The following PDE3B variants were observed in gnomAD, a reference collection of about 807,000 sequenced individuals.
PDE3B encodes the protein cGMP-inhibited 3',5'-cyclic phosphodiesterase 3B.
A neutral mutation model predicts 116.8 loss-of-function variants in PDE3B; 66 were observed. That is an observed-to-expected ratio of 0.56 (90% CI 0.46 to 0.69). PDE3B has a LOEUF of 0.69. Ranked by LOEUF, PDE3B falls within the 30% of genes least tolerant of loss-of-function variation. PDE3B has a pLI of 0.00. For missense variants in PDE3B, 1,384 were observed against 1,368.1 expected, an observed-to-expected ratio of 1.01 and a Z score of -0.18; for synonymous variants, 595 against 533.6, an observed-to-expected ratio of 1.12 and a Z score of -1.59.
At chr11:14,734,786 CTT>C (rs796300062) in intron 1 of PDE3B, among the ~76,000 whole-genome samples, 1 of 151,096 alleles carries the variant, frequency 6.6e-6, no homozygotes, top group Non-Finnish European at 1.5e-5. Flanking sequence ...TATATCTCCT[CTT>C]TTTTTTTGTT....
At chr11:14,878,321 T>C in the PDE3B span, 3 of 1,610,198 alleles carry the variant, frequency 1.9e-6, no homozygotes, top group South Asian at 3.3e-5. Context: ...GCAGATACAA[T>C]AATTTTTTAA....
chr11:14,885,492 T>C, the PDE3B span, among the ~76,000 whole-genome samples: 1 of 152,212 alleles, frequency 6.6e-6, no homozygotes, highest in Non-Finnish European at 1.5e-5. Context: ...TATGTGTTTA[T>C]TCCTAACTTG....
intron 1 of PDE3B, among the ~76,000 whole-genome samples, chr11:14,732,008 A>G (rs1856472081): frequency 6.6e-6 from 1 of 152,214 alleles, no homozygotes; most frequent in Non-Finnish European, 1.5e-5. Flanking sequence ...AATTTTAAAC[A>G]GAATTATTGA....
Position 14,849,931 on chromosome 11 carries a change from G to A in PDE3B, c.2520+5905G>A, listed in dbSNP as rs372355405. Among the ~76,000 whole-genome samples the A allele has an allele frequency of 3.9e-5, 6 of 151,976 alleles. No individual in the cohort carries two copies. In the East Asian group the frequency reaches 5.8e-4, roughly 15 times the overall value. The stretch of plus-strand genomic sequence containing the variant: ...CAACCATTGTGGAAGTCAGTGTGGC[G>A]ATTCCTCAGGGATCTAGAACTAGAA... On this transcript the variant is annotated intron_variant, in intron 12 of 15. Coordinates refer to ENST00000282096, the MANE Select transcript of PDE3B (RefSeq NM_000922.4).
At chr11:14,671,673 G>A (rs546600491) in intron 1 of PDE3B, among the ~76,000 whole-genome samples, 1 of 152,188 alleles carries the variant, frequency 6.6e-6, no homozygotes, top group South Asian at 2.1e-4. Flanking sequence ...ACATAATAGT[G>A]ACTTGGACTA....
the PDE3B span, chr11:14,886,844 A>C: frequency 6.6e-6 from 1 of 152,320 alleles, no homozygotes; most frequent in African/African-American, 2.4e-5. Context: ...GAGGCTTAGC[A>C]GAGAACAAAA....
the PDE3B span, chr11:14,878,400 A>C: frequency 2.7e-6 from 3 of 1,093,688 alleles, no homozygotes; most frequent in South Asian, 2.9e-5. Context: ...AATTTAAACA[A>C]AGAAAGAGGG....
chr11:14,890,967 G>A, the PDE3B span: 4 of 985,258 alleles, frequency 4.1e-6, no homozygotes, highest in Non-Finnish European at 1.2e-6. Flanking sequence ...GCCTGTGGCC[G>A]ATAATGAGAT....
chr11:14,745,580 G>A (rs9971395), intron 1 of PDE3B, among the ~76,000 whole-genome samples: 97,264 of 152,000 alleles, frequency 0.64, 31,251 homozygotes, highest in Middle Eastern at 0.7. Flanking sequence ...TGTCAACTTT[G>A]ATGTTAGACA....
At chr11:14,876,417 G>A (rs1156933622), downstream of PDE3B, among the ~76,000 whole-genome samples, 1 of 152,156 alleles carries the variant, frequency 6.6e-6, no homozygotes, top group East Asian at 1.9e-4. Flanking sequence ...AAGTGAGGCA[G>A]ACACTATAGT....
intron 5 of PDE3B, among the ~76,000 whole-genome samples, chr11:14,805,463 G>C (rs1236545160): frequency 1.3e-5 from 2 of 152,100 alleles, no homozygotes; most frequent in African/African-American, 4.8e-5. Flanking sequence ...CAGTAACTGT[G>C]GTGATGGGTA....
At chr11:14,778,581 C>T (rs1857866598) in intron 2 of PDE3B, among the ~76,000 whole-genome samples, 1 of 152,170 alleles carries the variant, frequency 6.6e-6, no homozygotes, top group African/African-American at 2.4e-5. Context: ...CCAGCAAACT[C>T]CAACAGACCT....
intron 12 of PDE3B, among the ~76,000 whole-genome samples, chr11:14,858,737 A>G (rs1369903707): frequency 6.6e-6 from 1 of 152,202 alleles, no homozygotes; most frequent in African/African-American, 2.4e-5. Context: ...ATAGACCTCA[A>G]AGTATCAACT....
intron 1 of PDE3B, among the ~76,000 whole-genome samples, chr11:14,746,923 GA>G (rs1022489606): frequency 5.9e-5 from 9 of 152,162 alleles, no homozygotes; most frequent in Non-Finnish European, 1.3e-4. Context: ...AGGAATACCT[GA>G]GACTGGTAAT....
intron 1 of PDE3B, among the ~76,000 whole-genome samples, chr11:14,712,525 A>C (rs1196608400): frequency 8.8e-6 from 1 of 113,962 alleles, no homozygotes; most frequent in East Asian, 3.0e-4. Flanking sequence ...CCTGTGCTGG[A>C]GTGCAGTGGC....
intron 1 of PDE3B, among the ~76,000 whole-genome samples, chr11:14,716,150 A>G (rs2133834918): frequency 6.6e-6 from 1 of 152,292 alleles, no homozygotes; most frequent in South Asian, 2.1e-4. Flanking sequence ...AGTCAAAGAA[A>G]GGGGTGACGG....
intron 1 of PDE3B, among the ~76,000 whole-genome samples, chr11:14,693,132 C>T (rs1053731359): frequency 6.6e-6 from 1 of 152,222 alleles, no homozygotes; most frequent in Admixed American, 6.5e-5. Context: ...CAGGCCCTAA[C>T]TCTCTTCAAT....
At chr11:14,846,310 G>T (rs1239829563) in intron 12 of PDE3B, among the ~76,000 whole-genome samples, 1 of 152,086 alleles carries the variant, frequency 6.6e-6, no homozygotes, top group Non-Finnish European at 1.5e-5. Flanking sequence ...GTCACCACCA[G>T]GCCTGCCCTA....
chr11:14,751,859 A>G (rs2133876443), intron 1 of PDE3B, among the ~76,000 whole-genome samples: 1 of 152,286 alleles, frequency 6.6e-6, no homozygotes, highest in Non-Finnish European at 1.5e-5. Context: ...AACCTGGGAA[A>G]GTTAACTCAC....
Sources: gnomAD v4.1 joint callset for allele counts (sites outside exome capture counted in the v4.1 genomes callset) on GRCh38, gnomAD v4.1.1 for gene constraint, MANE v1.5 for transcripts, NCBI Gene and HGNC (gene_info 2026-07-23, HGNC 2026-07-21) for gene names.